RPS6KC1: variants seen among roughly 807,000 people sequenced by gnomAD.
RPS6KC1 encodes ribosomal protein S6 kinase C1.
RPS6KC1 carries 54 observed loss-of-function variants against 103.8 expected under a neutral mutation model. The ratio of observed to expected loss-of-function variants is 0.52; its 90% CI spans 0.42 to 0.65. The LOEUF is 0.65. Ranked by LOEUF, RPS6KC1 falls within the 30% of genes least tolerant of loss-of-function variation. The pLI, the probability that RPS6KC1 is intolerant of heterozygous loss-of-function variation, is 0.00. For synonymous variants in RPS6KC1, 439 were observed against 438.7 expected (o/e 1.00, Z -0.01); for missense variants, 1,151 against 1,253.8 (o/e 0.92, Z 1.24).
chr1:213,636,349 T>C, the RPS6KC1 span, among the ~76,000 whole-genome samples: 104,948 of 151,678 alleles, frequency 0.69, 36,532 homozygotes, highest in African/African-American at 0.8. Flanking sequence ...GGAGGCATCA[T>C]GCTGACTTCA....
In RPS6KC1 at chr1:213,129,837, T is replaced by C. The variant is rs2085393805; in HGVS notation, c.783T>C (p.Ala261=). 2 of 1,610,482 alleles carry C rather than the reference T, an allele frequency of 1.2e-6. No individual in the cohort carries two copies. Among genetic ancestry groups the C allele is most frequent in the African/African-American group, 1.3e-5 (1 of 74,512 alleles). Residue 261 remains alanine, a synonymous_variant, in exon 6 of 15, where the codon GCT becomes GCC. Transcript: ENST00000366960. ...LKKEEEDDYE[A]ASDFYRKGVD... is the part of the protein sequence containing the mutation. ...AGGAAGAAGAAGACGACTATGAAGC[T>C]GCTTCTGATTTTTATAGGAAGGGAG...
At chr1:213,763,418 A>G in the RPS6KC1 span, among the ~76,000 whole-genome samples, 410 of 152,334 alleles carry the variant, frequency 2.7e-3, 3 homozygotes, top group African/African-American at 9.5e-3. Flanking sequence ...TGCCCAAGGC[A>G]GGTGCTACAG....
At chr1:213,767,740 A>G in the RPS6KC1 span, among the ~76,000 whole-genome samples, 1 of 152,232 alleles carries the variant, frequency 6.6e-6, no homozygotes, top group Non-Finnish European at 1.5e-5. Flanking sequence ...AGCCCTCTTC[A>G]TGGAAGAGAA....
the RPS6KC1 span, among the ~76,000 whole-genome samples, chr1:213,826,382 A>AT: frequency 6.6e-6 from 1 of 152,300 alleles, no homozygotes; most frequent in East Asian, 1.9e-4. Context: ...TGCATAGAAT[A>AT]TTTACCTTAG....
the RPS6KC1 span, among the ~76,000 whole-genome samples, chr1:213,327,531 C>T: frequency 6.6e-6 from 1 of 152,050 alleles, no homozygotes; most frequent in Non-Finnish European, 1.5e-5. Context: ...GTCTTGAAGA[C>T]AGAACTTCAT....
At chr1:213,591,886 T>C in the RPS6KC1 span, among the ~76,000 whole-genome samples, 1 of 152,188 alleles carries the variant, frequency 6.6e-6, no homozygotes, top group Non-Finnish European at 1.5e-5. Context: ...TTAAGGCTTC[T>C]TACCTGTGTC....
the RPS6KC1 span, among the ~76,000 whole-genome samples, chr1:213,823,726 C>CCACACACA: frequency 0.037 from 5,477 of 146,254 alleles, 128 homozygotes; most frequent in Non-Finnish European, 0.045. Context: ...GCTATCACAG[C>CCACACACA]CACACACACA....
chr1:213,851,252 C>G, the RPS6KC1 span, among the ~76,000 whole-genome samples: 1 of 152,210 alleles, frequency 6.6e-6, no homozygotes, highest in Non-Finnish European at 1.5e-5. Context: ...AATCACCTTT[C>G]ACCACAAGAC....
chr1:213,686,398 C>G, the RPS6KC1 span, among the ~76,000 whole-genome samples: 2 of 152,124 alleles, frequency 1.3e-5, no homozygotes, highest in African/African-American at 4.8e-5. Context: ...GATTCCTGGC[C>G]ACTCACCCAT....
chr1:213,240,255 T>C (rs536715489), intron 10 of RPS6KC1, among the ~76,000 whole-genome samples: 5 of 152,246 alleles, frequency 3.3e-5, no homozygotes, highest in Admixed American at 6.5e-5. Context: ...TGTTGATTTT[T>C]CCCCCCATTG....
intron 8 of RPS6KC1, among the ~76,000 whole-genome samples, chr1:213,208,701 T>A (rs2093423499): frequency 6.6e-6 from 1 of 152,046 alleles, no homozygotes; most frequent in African/African-American, 2.4e-5. Context: ...CCTCACCATT[T>A]GGTGTACAGG....
At chr1:213,781,585 T>C in the RPS6KC1 span, among the ~76,000 whole-genome samples, 14 of 152,178 alleles carry the variant, frequency 9.2e-5, no homozygotes, top group Non-Finnish European at 1.6e-4. Flanking sequence ...GTTAAGAGAA[T>C]GGGAAGAAAC....
the RPS6KC1 span, among the ~76,000 whole-genome samples, chr1:213,494,713 T>G: frequency 6.6e-6 from 1 of 151,996 alleles, no homozygotes; most frequent in South Asian, 2.1e-4. Context: ...TTGGTGCCTT[T>G]GAAGTAGAGG....
chr1:213,321,188 G>A, the RPS6KC1 span, among the ~76,000 whole-genome samples: 1 of 152,214 alleles, frequency 6.6e-6, no homozygotes, highest in Admixed American at 6.5e-5. Flanking sequence ...CTTTCAGAGG[G>A]TGATGGGCTC....
At chr1:213,823,961 C>T in the RPS6KC1 span, among the ~76,000 whole-genome samples, 17 of 151,564 alleles carry the variant, frequency 1.1e-4, no homozygotes, top group African/African-American at 4.1e-4. Flanking sequence ...AAAGTTTACA[C>T]AGCCAGTAAG....
chr1:213,785,906 C>T, the RPS6KC1 span, among the ~76,000 whole-genome samples: 1 of 152,072 alleles, frequency 6.6e-6, no homozygotes, highest in Non-Finnish European at 1.5e-5. Context: ...AAAATTGAAG[C>T]TCTTATTGCT....
the RPS6KC1 span, among the ~76,000 whole-genome samples, chr1:213,775,909 T>C: frequency 6.6e-6 from 1 of 152,244 alleles, no homozygotes; most frequent in East Asian, 1.9e-4. Flanking sequence ...ATTTCCACAA[T>C]GTTCACAGCA....
At chr1:213,557,669 G>A in the RPS6KC1 span, among the ~76,000 whole-genome samples, 2 of 152,148 alleles carry the variant, frequency 1.3e-5, no homozygotes, top group African/African-American at 2.4e-5. Context: ...GGTAGACCTG[G>A]AGTATGTGGT....
chr1:213,401,750 T>C, the RPS6KC1 span, among the ~76,000 whole-genome samples: 1 of 152,234 alleles, frequency 6.6e-6, no homozygotes, highest in Non-Finnish European at 1.5e-5. Flanking sequence ...TATATTTGTT[T>C]CTTGAGTGTA....
Sources: gnomAD v4.1 joint callset for allele counts (sites outside exome capture counted in the v4.1 genomes callset) on GRCh38, gnomAD v4.1.1 for gene constraint, MANE v1.5 for transcripts, NCBI Gene and HGNC (gene_info 2026-07-23, HGNC 2026-07-21) for gene names.